SLIT3: variants seen among roughly 807,000 people sequenced by gnomAD.
The protein encoded by SLIT3 is slit homolog 3 protein.
SLIT3 carries 68 observed loss-of-function variants against 184.0 expected under a neutral mutation model. The observed-to-expected ratio is 0.37, with a 90% CI of 0.30 to 0.45. SLIT3 has a LOEUF of 0.45. Among genes scored for constraint, SLIT3 ranks in the 20% least tolerant of loss-of-function variants. The pLI is 1.00. For missense variants in SLIT3, 1,707 were observed against 2,026.0 expected (o/e 0.84, Z 3.02); for synonymous variants, 831 against 828.6 (o/e 1.00, Z -0.05).
intron 25 of SLIT3, 36 bp from the exon 26 acceptor site, chr5:168,708,136 T>C: frequency 6.2e-7 from 1 of 1,614,040 alleles, no homozygotes; most frequent in Non-Finnish European, 8.5e-7. Flanking sequence ...TGGCAGGTCC[T>C]GAGTGCGCTC....
chr5:169,136,485 C>T (rs1761505440), intron 4 of SLIT3, among the ~76,000 whole-genome samples: 3 of 152,160 alleles, frequency 2.0e-5, no homozygotes, highest in Admixed American at 6.5e-5. Context: ...TGTTACCGCT[C>T]CTATGACTGT....
In SLIT3 at chr5:168,683,995, G is replaced by A. The variant is rs150814014; in HGVS notation, c.3657C>T (p.Ser1219=). ...ACACTGTGGTTGGAGGGGAACTCAG[G>A]CTGTCATAGACCAGCCGCACGTGGC... ...YQGHVRLVYD[S]LSSPPTTVYS... The change falls in exon 32 of 36, where the codon AGC becomes AGT. Residue 1219 remains serine (S), a synonymous_variant. Coordinates refer to ENST00000519560, the MANE Select transcript of SLIT3 (RefSeq NM_003062.4). The A allele has an allele frequency of 6.3e-6, 10 of 1,595,934 alleles. No homozygotes were observed. The highest frequency in any genetic ancestry group is 2.7e-5 in the African/African-American group (2 of 74,144).
chr5:168,979,114 G>A (rs758146615), intron 4 of SLIT3, among the ~76,000 whole-genome samples: 5 of 152,146 alleles, frequency 3.3e-5, no homozygotes, highest in Non-Finnish European at 7.4e-5. Context: ...CTCACTCCAG[G>A]CTCATCCTGG....
rs1359142655 is a variant in SLIT3 at position 168,664,093 on chromosome 5, G to A, written c.*2361C>T. On this transcript the variant is annotated 3_prime_UTR_variant, in exon 36 of 36. Transcript: ENST00000519560. ...TCTCTGTGTCTCAGTCTACTCAACTGTAAAATGAGTTAATAGTGTTTTAAC... is the reference window on the plus strand; with the variant it reads ...TCTCTGTGTCTCAGTCTACTCAACTATAAAATGAGTTAATAGTGTTTTAAC... 1 of 152,196 alleles carries A rather than the reference G, an allele frequency of 6.6e-6. No individual in the cohort carries two copies. 9.4% of individuals were successfully genotyped at this position (152,196 alleles called of 1,614,324 possible).
chr5:169,164,032 C>G (rs1036661952), intron 4 of SLIT3, among the ~76,000 whole-genome samples: 2 of 152,204 alleles, frequency 1.3e-5, no homozygotes, highest in African/African-American at 4.8e-5. Context: ...CTATGACAGA[C>G]TCCAACCCCA....
intron 3 of SLIT3, among the ~76,000 whole-genome samples, chr5:169,223,427 C>A (rs1764683955): frequency 6.6e-6 from 1 of 152,230 alleles, no homozygotes; most frequent in South Asian, 2.1e-4. Context: ...AATTCATGTG[C>A]TCTTCCTCTA....
intron 4 of SLIT3, among the ~76,000 whole-genome samples, chr5:168,922,259 C>T (rs1465898399): frequency 6.6e-6 from 1 of 151,900 alleles, no homozygotes; most frequent in African/African-American, 2.4e-5. Flanking sequence ...AGATCGAGAC[C>T]ATCCTGGCGA....
At chr5:168,901,985 T>A (rs1760887305) in intron 4 of SLIT3, among the ~76,000 whole-genome samples, 1 of 152,184 alleles carries the variant, frequency 6.6e-6, no homozygotes. Context: ...CACTGCAACC[T>A]CTGCCTCCCA....
At chr5:169,243,121 T>TA (rs1765459928) in intron 3 of SLIT3, among the ~76,000 whole-genome samples, 1 of 152,062 alleles carries the variant, frequency 6.6e-6, no homozygotes. Flanking sequence ...TTTGTGGCAA[T>TA]AAAAAAATAC....
intron 4 of SLIT3, among the ~76,000 whole-genome samples, chr5:169,048,926 G>C (rs141080872): frequency 6.6e-6 from 1 of 152,276 alleles, no homozygotes; most frequent in East Asian, 1.9e-4. Context: ...CAATGACCAG[G>C]CCAGAGCTTT....
intron 4 of SLIT3, among the ~76,000 whole-genome samples, chr5:169,088,397 A>AT (rs35908644): frequency 0.023 from 3,093 of 135,956 alleles, 63 homozygotes; most frequent in African/African-American, 0.058. Context: ...TTTTTCTTCG[A>AT]TTTTTTTTTT....
chr5:168,713,755 A>G lies in SLIT3; in HGVS notation c.2484-1401T>C, dbSNP rs140429972. On this transcript the variant is annotated intron_variant, in intron 23 of 35. Coordinates refer to ENST00000519560, the MANE Select transcript of SLIT3 (RefSeq NM_003062.4). ...CTTGATAGAGAACAGTGGCTCTCAC[A>G]CTGAGTGAGCTTTGGAAGCTAGTGA... 2.2e-3 allele frequency among the ~76,000 whole-genome samples: 341 copies of G among 152,338 alleles called. 1 individual carries two copies. The highest frequency in any genetic ancestry group is 0.01 in the Middle Eastern group (3 of 294).
chr5:169,290,270 G>A (rs1228232574), intron 1 of SLIT3, among the ~76,000 whole-genome samples: 4 of 151,244 alleles, frequency 2.6e-5, no homozygotes, highest in Admixed American at 2.6e-4. Context: ...CACATATTAG[G>A]GCATATGCTA....
intron 4 of SLIT3, among the ~76,000 whole-genome samples, chr5:169,159,342 C>T (rs1483279349): frequency 2.0e-5 from 3 of 152,206 alleles, no homozygotes; most frequent in Non-Finnish European, 4.4e-5. Context: ...AAGAGAATGG[C>T]TTGAACCCGG....
chr5:168,783,006 C>T (rs1015135667), intron 12 of SLIT3, among the ~76,000 whole-genome samples: 12 of 152,156 alleles, frequency 7.9e-5, no homozygotes, highest in Non-Finnish European at 1.6e-4. Context: ...TAAGAAAGAG[C>T]TTTCTAACCT....
At chr5:169,093,365 C>A (rs937978725) in intron 4 of SLIT3, among the ~76,000 whole-genome samples, 8 of 149,916 alleles carry the variant, frequency 5.3e-5, no homozygotes, top group Non-Finnish European at 1.0e-4. Flanking sequence ...TATAACTGGG[C>A]AAACTGGAGC....
intron 4 of SLIT3, among the ~76,000 whole-genome samples, chr5:169,160,652 C>T (rs1184165262): frequency 6.6e-6 from 1 of 152,234 alleles, no homozygotes; most frequent in African/African-American, 2.4e-5. Context: ...TTGAGATAAG[C>T]TGGAGGAATG....
At chr5:168,953,099 T>C (rs142314997) in intron 4 of SLIT3, among the ~76,000 whole-genome samples, 2 of 152,296 alleles carry the variant, frequency 1.3e-5, no homozygotes, top group South Asian at 2.1e-4. Context: ...ACAGGCTTAG[T>C]AGGATTCTTG....
intron 13 of SLIT3, among the ~76,000 whole-genome samples, chr5:168,773,758 C>T (rs1755646592): frequency 2.0e-5 from 3 of 152,096 alleles, no homozygotes; most frequent in Non-Finnish European, 4.4e-5. Flanking sequence ...GAGTGCCCAC[C>T]TCAGATGCTT....
Sources: allele counts gnomAD v4.1 joint callset (sites outside exome capture counted in the v4.1 genomes callset), GRCh38; gene constraint gnomAD v4.1.1; transcripts MANE v1.5; gene names NCBI Gene and HGNC (gene_info 2026-07-23, HGNC 2026-07-21).